Variants in CENATAC observed in about 807,000 individuals in gnomAD.
The protein encoded by CENATAC is centrosomal AT-AC splicing factor.
CENATAC carries 53 observed loss-of-function variants against 53.7 expected under a neutral mutation model. The ratio of observed to expected loss-of-function variants is 0.99; its 90% confidence interval spans 0.79 to 1.24. CENATAC has a LOEUF of 1.24. Among genes scored for constraint, CENATAC ranks in the 50% most tolerant of loss-of-function variants. The pLI, the probability that CENATAC is intolerant of heterozygous loss-of-function variation, is 0.00. For missense variants in CENATAC, 474 were observed against 417.8 expected, an observed-to-expected ratio of 1.13 and a Z score of -1.17; for synonymous variants, 156 against 144.6, an observed-to-expected ratio of 1.08 and a Z score of -0.57.
rs782236727 is a variant in CENATAC, at chr11:119,011,940, C to T, written c.515C>T (p.Pro172Leu). Reference protein sequence around the residue: ...RQEVVRSVLEPQAVPDPEEGS... With the variant: ...RQEVVRSVLELQAVPDPEEGS... ...TTATTTTTCCTGAATCAAACTCAGCCTCAGGCAGTGCCAGACCCAGAAGAG... is the reference window on the plus strand; with the variant it reads ...TTATTTTTCCTGAATCAAACTCAGCTTCAGGCAGTGCCAGACCCAGAAGAG... The change falls in exon 6 of 11, where the codon CCT (proline) becomes CTT (leucine). Residue 172 changes from proline (P) to leucine (L), a missense_variant and splice_region_variant. By Grantham distance (98) the Pro-to-Leu change is moderately conservative (BLOSUM62 -3). Transcript: ENST00000334418. 1.9e-6 allele frequency: 3 copies of T among 1,613,966 alleles called. No homozygotes were observed. The highest frequency in any genetic ancestry group is 2.5e-6 in the Non-Finnish European group (3 of 1,179,900).
chr11:119,003,613 T>TTC (rs201447632), intron 3 of CENATAC: 3,551 of 137,458 alleles, frequency 0.026, 171 homozygotes, highest in African/African-American at 0.14. Flanking sequence ...TTAGAAATAT[T>TTC]TCTCTCTCTT....
At chr11:119,013,715 G>A (rs1022571810) in intron 8 of CENATAC, among the ~76,000 whole-genome samples, 4 of 151,490 alleles carry the variant, frequency 2.6e-5, no homozygotes, top group Non-Finnish European at 5.9e-5. Context: ...CACCCGCCTC[G>A]GCCTCCCAAA....
In CENATAC at chr11:119,015,580, A is replaced by T; in HGVS notation, c.981A>T (p.Ser327=). 1 of 1,614,136 alleles carries T rather than the reference A, an allele frequency of 6.2e-7. No homozygotes were observed. The highest frequency in any genetic ancestry group is 1.3e-5 in the African/African-American group (1 of 75,014). Residue 327 remains serine (S), a synonymous_variant, in exon 11 of 11, where the codon TCA becomes TCT. Transcript: ENST00000334418. ...AAGCTGCAGCAATGAAGAAGCAGTC[A>T]CATACAGAAAAAAGCTAATCATGCT... The part of the protein sequence containing the change: ...KTEAAAMKKQ[S]HTEKS
intron 3 of CENATAC, among the ~76,000 whole-genome samples, chr11:119,007,201 T>C (rs958552252): frequency 6.6e-6 from 1 of 152,128 alleles, no homozygotes; most frequent in Non-Finnish European, 1.5e-5. Context: ...TTTCTTTTTT[T>C]TGGAGAGAGT....
At position 118,998,993 on chromosome 11, in the gene CENATAC, T is replaced by C. The variant is rs782284632; in HGVS notation, c.285-18T>C. ...TTTATAATCTATAGCTGAGATTACT[T>C]ATCCTCTCCATTTTCAGCCCAGAGC... On this transcript the variant is annotated intron_variant, in intron 2 of 10. Coordinates refer to ENST00000334418, the MANE Select transcript of CENATAC (RefSeq NM_198489.3). 10 of 1,565,580 alleles carry C rather than the reference T, an allele frequency of 6.4e-6. No individual in the cohort carries two copies. The South Asian group carries it at 1.1e-4, about 17-fold the overall frequency.
In CENATAC at chr11:119,015,653, T is replaced by C. The variant is rs964250237; in HGVS notation, c.*55T>C. 15 of 1,541,934 alleles carry C rather than the reference T, an allele frequency of 9.7e-6. No homozygotes were observed. In the Admixed American group the frequency reaches 2.2e-4, roughly 23 times the overall value. On this transcript the variant is annotated 3_prime_UTR_variant, in exon 11 of 11. Transcript: ENST00000334418. ...AAAAGCAAAGTCAACAAACCCCTAT[T>C]ATACCTTCCACCAAATTCTTTATCA...
chr11:119,001,498 T>C, intron 3 of CENATAC: 1 of 408,368 alleles, frequency 2.4e-6, no homozygotes, highest in Non-Finnish European at 5.0e-6. Flanking sequence ...TTCAAGCGAT[T>C]CTCCCGTTTC....
chr11:119,011,150 T>G, intron 4 of CENATAC, 71 bp from the exon 5 acceptor site: 1 of 1,394,666 alleles, frequency 7.2e-7, no homozygotes, highest in Non-Finnish European at 1.0e-6. Flanking sequence ...AGGGCCCAAG[T>G]TAAAGGAAAG....
At position 119,010,841 on chromosome 11, in the gene CENATAC, G is replaced by T. The variant is rs944590969; in HGVS notation, c.450+11G>T. ...AAAGTGATCAAGGAGGTAAGTTAAA[G>T]TAGCAGTCCCTCACCCTTTTTGCAC... On this transcript the variant is annotated intron_variant, in intron 4 of 10. Coordinates refer to ENST00000334418, the MANE Select transcript of CENATAC (RefSeq NM_198489.3). 22 of 1,613,212 alleles carry T rather than the reference G, an allele frequency of 1.4e-5. No individual in the cohort carries two copies. The highest frequency in any genetic ancestry group is 2.7e-5 in the African/African-American group (2 of 74,902).
intron 9 of CENATAC, 56 bp from the exon 10 acceptor site, chr11:119,015,251 C>CTCCGAG: frequency 6.5e-7 from 1 of 1,529,812 alleles, no homozygotes; most frequent in Non-Finnish European, 8.9e-7. Context: ...CATAGTGAGA[C>CTCCGAG]CCCATCTCTA....
In CENATAC at chr11:118,998,513, C is replaced by G; in HGVS notation, c.204C>G (p.Cys68Trp). ...ACGAGCGATGCTGCTGGTGCCTGTG[C>G]TGCGGCTGTGAGGTGCGGGAACACC... ...PEHERCCWCL[C>W]CGCEVREHLS... Residue 68 changes from cysteine (C) to tryptophan (W), a missense_variant, in exon 2 of 11, where the codon TGC (cysteine) becomes TGG (tryptophan). Physicochemically the swap from Cys to Trp is radical, Grantham distance 215. Coordinates refer to ENST00000334418, the MANE Select transcript of CENATAC (RefSeq NM_198489.3). 1 of 1,611,114 alleles carries G rather than the reference C, an allele frequency of 6.2e-7. No homozygotes were observed. Among genetic ancestry groups the G allele is most frequent in the Non-Finnish European group, 8.5e-7 (1 of 1,178,762 alleles).
In CENATAC at chr11:119,015,356, C is replaced by CT. The variant is rs1384714296; in HGVS notation, c.858dup (p.Asp287Ter). On this transcript the variant is annotated frameshift_variant, in exon 10 of 11. Coordinates refer to ENST00000334418, the MANE Select transcript of CENATAC (RefSeq NM_198489.3). LOFTEE classifies it high-confidence loss of function. ...TCCCCCCAGACCGAGTTGGGGCCAA[C>CT]TTTGATCACAGCTCCAGGACCAGTG... 1 of 1,614,182 alleles carries CT rather than the reference C, an allele frequency of 6.2e-7. No individual in the cohort carries two copies. Among genetic ancestry groups the CT allele is most frequent in the Non-Finnish European group, 8.5e-7 (1 of 1,180,014 alleles).
At chr11:119,002,146 C>T (rs115326262) in intron 3 of CENATAC, among the ~76,000 whole-genome samples, 1 of 150,118 alleles carries the variant, frequency 6.7e-6, no homozygotes, top group African/African-American at 2.5e-5. Flanking sequence ...ATCGCTTGAG[C>T]CCAGGAGGCA....
rs782426189 is a variant in CENATAC at position 119,012,242 on chromosome 11, C to G, written c.672C>G (p.Phe224Leu). Residue 224 changes from phenylalanine (F) to leucine (L), a missense_variant, in exon 7 of 11, where the codon TTC becomes TTG. By Grantham distance (22) the Phe-to-Leu change is conservative (BLOSUM62 0). Transcript: ENST00000334418. ...DWMETGPSLTFIGHQDIPGVG... is the reference protein window; with the variant it reads ...DWMETGPSLTLIGHQDIPGVG... ...TGGAGACAGGACCATCTCTGACATT[C>G]ATTGGCCATCAGGTACAAAGGATAA... The G allele has an allele frequency of 1.2e-6, 2 of 1,614,102 alleles. No homozygotes were observed. Among genetic ancestry groups the G allele is most frequent in the Non-Finnish European group, 1.7e-6 (2 of 1,180,024 alleles).
At position 118,999,019 on chromosome 11, in the gene CENATAC, A is replaced by T; in HGVS notation, c.293A>T (p.His98Leu). Residue 98 changes from histidine (H) to leucine (L), a missense_variant, in exon 3 of 11, where the codon CAC becomes CTC. By Grantham distance (99) the His-to-Leu change is moderately conservative. Transcript: ENST00000334418. ...GLLEHLASPE[H>L]KKATNKFWWE... Reference sequence around the variant, plus strand: ...ATCCTCTCCATTTTCAGCCCAGAGCACAAGAAAGCAACCAACAAATTCTGG... The same window carrying T: ...ATCCTCTCCATTTTCAGCCCAGAGCTCAAGAAAGCAACCAACAAATTCTGG... The T allele has an allele frequency of 1.2e-6, 2 of 1,613,570 alleles. No individual in the cohort carries two copies. The highest frequency in any genetic ancestry group is 1.7e-6 in the Non-Finnish European group (2 of 1,179,478).
chr11:119,011,469 G>A (rs1438332745), intron 5 of CENATAC, among the ~76,000 whole-genome samples, 186 bp downstream of exon 5: 1 of 152,022 alleles, frequency 6.6e-6, no homozygotes, highest in Non-Finnish European at 1.5e-5. Context: ...CACCTCCCAG[G>A]TTCAGGTTCA....
rs929427204 is a variant in CENATAC, at chr11:119,015,460, G to T, written c.938+21G>T. ...TCCAGGTATGTGTGTTCAGTGCCGG[G>T]TCTCCAACCTACCCATCCAACCTCC... is the stretch of plus-strand genomic sequence containing the variant. On this transcript the variant is annotated intron_variant, in intron 10 of 10. Coordinates refer to ENST00000334418, the MANE Select transcript of CENATAC (RefSeq NM_198489.3). 3 of 1,613,682 alleles carry T rather than the reference G, an allele frequency of 1.9e-6. No individual in the cohort carries two copies. The African/African-American group carries it at 4.0e-5, about 22-fold the overall frequency.
At chr11:119,014,321 T>C (rs782150489) in intron 8 of CENATAC, 3 of 152,346 alleles carry the variant, frequency 2.0e-5, no homozygotes, top group East Asian at 1.9e-4. Context: ...TGGTGGCTCA[T>C]GCCTGTAATC....
chr11:119,014,966 A>AAAAC (rs1943083190), intron 8 of CENATAC, 28 bp from the exon 9 acceptor site: 1 of 1,524,370 alleles, frequency 6.6e-7, no homozygotes, highest in East Asian at 2.2e-5. Context: ...CTTAAAAAAA[A>AAAAC]AAAAAAAAGC....
Sources: gnomAD v4.1 joint callset for allele counts (sites outside exome capture counted in the v4.1 genomes callset) on GRCh38, gnomAD v4.1.1 for gene constraint, MANE v1.5 for transcripts, NCBI Gene and HGNC (gene_info 2026-07-23, HGNC 2026-07-21) for gene names.